Variants in SDK1 observed in about 807,000 individuals in gnomAD.
SDK1 encodes protein sidekick-1.
In SDK1, 157 loss-of-function variants were observed where a neutral mutation model predicts 245.5. The ratio of observed to expected loss-of-function variants is 0.64; its 90% CI spans 0.56 to 0.73. SDK1 has a LOEUF of 0.73. SDK1 is among the 30% of genes least tolerant of loss of function. The probability of loss-of-function intolerance (pLI) is 0.00; values close to 1 mark genes in which losing one functional copy is unlikely to be tolerated. For synonymous variants in SDK1, 1,647 were observed against 1,278.5 expected (o/e 1.29, Z -6.15); for missense variants, 3,583 against 3,002.3 (o/e 1.19, Z -4.52).
intron 4 of SDK1, among the ~76,000 whole-genome samples, chr7:3,644,773 C>CAAAAAAAAAAAAAAAAAAAAAAAAAAA (rs34276127): frequency 2.5e-5 from 1 of 40,044 alleles, no homozygotes; most frequent in Non-Finnish European, 4.5e-5. Flanking sequence ...ACCCTGTCTC[C>CAAAAAAAAAAAAAAAAAAAAAAAAAAA]AAAAAAAAAA....
At chr7:3,728,162 G>A (rs999842997) in intron 4 of SDK1, among the ~76,000 whole-genome samples, 3 of 152,204 alleles carry the variant, frequency 2.0e-5, no homozygotes, top group Non-Finnish European at 4.4e-5. Flanking sequence ...TCAGCATGGC[G>A]TGTCACTGTT....
intron 2 of SDK1, among the ~76,000 whole-genome samples, chr7:3,638,326 C>G (rs538169960): frequency 6.6e-6 from 1 of 152,128 alleles, no homozygotes; most frequent in African/African-American, 2.4e-5. Flanking sequence ...TATAAAGACA[C>G]GTGCACACGT....
intron 35 of SDK1, among the ~76,000 whole-genome samples, chr7:4,188,096 T>G (rs1175555596): frequency 6.6e-6 from 1 of 152,206 alleles, no homozygotes; most frequent in African/African-American, 2.4e-5. Context: ...CAATTCTCTC[T>G]CGCTGGGCCT....
At chr7:3,903,494 T>C (rs1421321871) in intron 5 of SDK1, among the ~76,000 whole-genome samples, 4 of 152,150 alleles carry the variant, frequency 2.6e-5, no homozygotes, top group East Asian at 1.9e-4. Flanking sequence ...AAGAAGTAGA[T>C]ACATTTTAAC....
intron 5 of SDK1, among the ~76,000 whole-genome samples, chr7:3,842,012 T>C (rs1004746145): frequency 1.3e-5 from 2 of 152,238 alleles, no homozygotes; most frequent in Non-Finnish European, 2.9e-5. Flanking sequence ...TCCACCTCCA[T>C]GGCTGTAGCC....
chr7:3,410,937 A>G (rs1027429555), intron 1 of SDK1, among the ~76,000 whole-genome samples: 1 of 152,166 alleles, frequency 6.6e-6, no homozygotes. Context: ...TGTGGAAATA[A>G]ACACCTCAAC....
rs3086109 is a variant in SDK1, at chr7:3,676,322, C to CT, written c.713+34238dup. 9.8e-3 allele frequency among the ~76,000 whole-genome samples: 1,303 copies of CT among 133,294 alleles called. 30 individuals carry two copies. The highest frequency in any genetic ancestry group is 0.014 in the South Asian group (60 of 4,194). The allele number at this position is 133,294 out of a possible 152,430, so 87.4% of individuals were successfully genotyped here. A position where few individuals can be genotyped will look rare whatever the true frequency, so the allele number is the denominator to read the frequency against. On this transcript the variant is annotated intron_variant, in intron 4 of 44. Coordinates refer to ENST00000404826, the MANE Select transcript of SDK1 (RefSeq NM_152744.4). Reference sequence around the variant, plus strand: ...GTACCACACCTGGCCTCTTCTAGTACTTTTTTTTTTTTTTTTTTTTTGAGA... The same window carrying CT: ...GTACCACACCTGGCCTCTTCTAGTACTTTTTTTTTTTTTTTTTTTTTTGAGA...
At chr7:3,487,350 T>A (rs1480797673) in intron 1 of SDK1, among the ~76,000 whole-genome samples, 1 of 152,194 alleles carries the variant, frequency 6.6e-6, no homozygotes, top group South Asian at 2.1e-4. Flanking sequence ...AAAATCCTTA[T>A]TTTTCTAAAC....
intron 4 of SDK1, among the ~76,000 whole-genome samples, chr7:3,732,501 G>A (rs752452830): frequency 6.6e-6 from 1 of 152,058 alleles, no homozygotes; most frequent in Non-Finnish European, 1.5e-5. Context: ...TTAATAGTTC[G>A]GTTCGGTCTG....
chr7:3,970,526 T>C (rs1326194918), intron 11 of SDK1, among the ~76,000 whole-genome samples: 1 of 152,236 alleles, frequency 6.6e-6, no homozygotes, highest in African/African-American at 2.4e-5. Flanking sequence ...TTTTGAACTT[T>C]TGTAATCAGA....
chr7:4,025,802 G>C (rs926576446), intron 17 of SDK1, among the ~76,000 whole-genome samples: 3 of 152,180 alleles, frequency 2.0e-5, no homozygotes, highest in African/African-American at 7.2e-5. Flanking sequence ...CTTCTGCCCT[G>C]ACTCTTGCTG....
At chr7:3,391,472 T>C (rs563228739) in intron 1 of SDK1, among the ~76,000 whole-genome samples, 51 of 152,088 alleles carry the variant, frequency 3.4e-4, no homozygotes, top group African/African-American at 1.2e-3. Flanking sequence ...GAAGTGATTT[T>C]TTTTTTCCTT....
chr7:4,239,234 A>T (rs920196434), intron 42 of SDK1, among the ~76,000 whole-genome samples: 1 of 152,220 alleles, frequency 6.6e-6, no homozygotes, highest in African/African-American at 2.4e-5. Flanking sequence ...GACTCCATTT[A>T]CATGAAGGCC....
intron 1 of SDK1, among the ~76,000 whole-genome samples, chr7:3,526,181 C>T (rs1032238695): frequency 1.3e-5 from 2 of 151,618 alleles, no homozygotes; most frequent in African/African-American, 2.4e-5. Context: ...TGCTGTGAGC[C>T]GAGATCGCAT....
At chr7:4,239,124 A>G (rs1031043118) in intron 42 of SDK1, among the ~76,000 whole-genome samples, 3 of 152,258 alleles carry the variant, frequency 2.0e-5, no homozygotes, top group Non-Finnish European at 4.4e-5. Context: ...TAGAGCAAGC[A>G]TTCAGTCAAT....
intron 1 of SDK1, among the ~76,000 whole-genome samples, chr7:3,554,174 G>A (rs974283834): frequency 2.6e-5 from 4 of 152,140 alleles, no homozygotes; most frequent in African/African-American, 4.8e-5. Context: ...CAAAGAATTC[G>A]TGGGACATTC....
intron 1 of SDK1, among the ~76,000 whole-genome samples, chr7:3,548,798 C>T (rs1032825794): frequency 1.3e-5 from 2 of 152,176 alleles, no homozygotes. Context: ...TCTAATTAAC[C>T]TAGGGCTTCC....
intron 2 of SDK1, among the ~76,000 whole-genome samples, chr7:3,630,602 C>T (rs1782260743): frequency 6.6e-6 from 1 of 152,024 alleles, no homozygotes; most frequent in South Asian, 2.1e-4. Flanking sequence ...TGCCATTGCC[C>T]TCCAGCTTGG....
At chr7:3,396,500 C>T (rs1050647761) in intron 1 of SDK1, among the ~76,000 whole-genome samples, 1 of 151,774 alleles carries the variant, frequency 6.6e-6, no homozygotes, top group Non-Finnish European at 1.5e-5. Context: ...ACTATTGTTT[C>T]TCTTTAATTT....
Sources: allele counts gnomAD v4.1 joint callset (sites outside exome capture counted in the v4.1 genomes callset), GRCh38; gene constraint gnomAD v4.1.1; transcripts MANE v1.5; gene names NCBI Gene and HGNC (gene_info 2026-07-23, HGNC 2026-07-21).